Variants in LINGO2 observed in about 807,000 individuals in gnomAD.
LINGO2 encodes the protein leucine-rich repeat and immunoglobulin-like domain-containing nogo receptor-interacting protein 2.
A neutral mutation model predicts 30.6 loss-of-function variants in LINGO2; 14 were observed. That is an observed-to-expected ratio of 0.46 (90% confidence interval 0.30 to 0.72). The LOEUF is 0.72. Among genes scored for constraint, LINGO2 ranks in the 30% least tolerant of loss-of-function variants. The probability of loss-of-function intolerance (pLI) is 0.07; values close to 1 mark genes in which losing one functional copy is unlikely to be tolerated. For synonymous variants in LINGO2, 317 were observed against 288.5 expected (o/e 1.10, Z -1.00); for missense variants, 729 against 751.7 (o/e 0.97, Z 0.35).
intron 1 of LINGO2, among the ~76,000 whole-genome samples, chr9:28,569,482 T>A (rs1823564512): frequency 6.6e-6 from 1 of 151,926 alleles, no homozygotes; most frequent in African/African-American, 2.4e-5. Flanking sequence ...CCTTCATTAG[T>A]GACAACATAG....
intron 4 of LINGO2, among the ~76,000 whole-genome samples, chr9:28,252,582 C>T (rs1822243350): frequency 6.6e-6 from 1 of 151,800 alleles, no homozygotes; most frequent in Non-Finnish European, 1.5e-5. Flanking sequence ...AGTCATGAGT[C>T]ATATTGTAAC....
At chr9:28,696,019 G>T in the LINGO2 span, among the ~76,000 whole-genome samples, 55,613 of 151,532 alleles carry the variant, frequency 0.37, 11,493 homozygotes, top group African/African-American at 0.54. Context: ...GTGAGAAACC[G>T]TTTCCTTACT....
At chr9:29,049,893 G>GGTT in the LINGO2 span, among the ~76,000 whole-genome samples, 1 of 152,090 alleles carries the variant, frequency 6.6e-6, no homozygotes, top group East Asian at 1.9e-4. Context: ...TAGCACATTA[G>GGTT]GTTGGCTATA....
chr9:29,098,099 A>G, the LINGO2 span, among the ~76,000 whole-genome samples: 1 of 152,222 alleles, frequency 6.6e-6, no homozygotes, highest in Non-Finnish European at 1.5e-5. Flanking sequence ...CCTAGGATCT[A>G]TATAATTTAT....
the LINGO2 span, among the ~76,000 whole-genome samples, chr9:28,963,386 C>T: frequency 6.6e-6 from 1 of 151,770 alleles, no homozygotes; most frequent in African/African-American, 2.4e-5. Context: ...TCAAGCAGTT[C>T]CACTACTGGG....
chr9:28,548,652 CGA>C (rs1260748875), intron 1 of LINGO2, among the ~76,000 whole-genome samples: 2 of 126,842 alleles, frequency 1.6e-5, no homozygotes, highest in African/African-American at 6.1e-5. Context: ...TGCACTGAGC[CGA>C]GATTGAGCCA....
chr9:28,485,090 T>C (rs78434277), intron 1 of LINGO2, among the ~76,000 whole-genome samples: 3,499 of 152,210 alleles, frequency 0.023, 56 homozygotes, highest in South Asian at 0.054. Context: ...ATGTAAACCA[T>C]AATATTTCCT....
chr9:28,160,116 A>G (rs1402459345), intron 4 of LINGO2, among the ~76,000 whole-genome samples: 1 of 152,196 alleles, frequency 6.6e-6, no homozygotes, highest in Non-Finnish European at 1.5e-5. Context: ...TATGAAAAAA[A>G]AATCAATGAC....
chr9:28,901,447 A>C, the LINGO2 span, among the ~76,000 whole-genome samples: 1 of 152,152 alleles, frequency 6.6e-6, no homozygotes, highest in East Asian at 1.9e-4. Flanking sequence ...CTGTGCAATC[A>C]CTTATGTCTT....
chr9:28,184,016 A>G (rs73645607), intron 4 of LINGO2, among the ~76,000 whole-genome samples: 4,240 of 152,322 alleles, frequency 0.028, 86 homozygotes, highest in African/African-American at 0.052. Flanking sequence ...CTTTCTAGGC[A>G]GCCATTACTA....
chr9:28,716,600 T>G, the LINGO2 span, among the ~76,000 whole-genome samples: 1 of 152,132 alleles, frequency 6.6e-6, no homozygotes, highest in Non-Finnish European at 1.5e-5. Context: ...GTGTATTCTG[T>G]ACACCTTGAT....
chr9:28,296,436 GACTTGTGAATA>G (rs1228790961), intron 3 of LINGO2, among the ~76,000 whole-genome samples: 1 of 152,154 alleles, frequency 6.6e-6, no homozygotes. Context: ...TCTGTAGGGG[GACTTGTGAATA>G]ACTACGTTCT....
chr9:28,533,422 T>G (rs1188748757), intron 1 of LINGO2, among the ~76,000 whole-genome samples: 2 of 152,078 alleles, frequency 1.3e-5, no homozygotes, highest in Non-Finnish European at 2.9e-5. Flanking sequence ...CAACACTCCT[T>G]AAAAATCTCC....
chr9:28,743,147 A>G, the LINGO2 span, among the ~76,000 whole-genome samples: 1 of 151,880 alleles, frequency 6.6e-6, no homozygotes, highest in Admixed American at 6.6e-5. Context: ...TTCTATGAGT[A>G]TCTTCATTCA....
the LINGO2 span, among the ~76,000 whole-genome samples, chr9:29,198,659 T>C: frequency 1.3e-5 from 2 of 152,086 alleles, 1 homozygote; most frequent in Non-Finnish European, 2.9e-5. Context: ...AAACACTGTA[T>C]TCCTAGCTGA....
chr9:28,013,577 C>A (rs138042261), intron 4 of LINGO2, among the ~76,000 whole-genome samples: 31 of 152,262 alleles, frequency 2.0e-4, no homozygotes, highest in African/African-American at 7.2e-4. Context: ...AGGAATGTGG[C>A]AAAGACGGGG....
chr9:28,929,513 A>T, the LINGO2 span, among the ~76,000 whole-genome samples: 1 of 151,954 alleles, frequency 6.6e-6, no homozygotes, highest in Non-Finnish European at 1.5e-5. Flanking sequence ...CAGAAAATGG[A>T]CAAGGAACTG....
At chr9:28,093,699 A>C (rs1826164141) in intron 4 of LINGO2, among the ~76,000 whole-genome samples, 1 of 152,058 alleles carries the variant, frequency 6.6e-6, no homozygotes, top group East Asian at 1.9e-4. Context: ...GTGTGCTGCT[A>C]GCCTAAATAA....
At chr9:27,976,775 G>C (rs1162148523) in intron 5 of LINGO2, among the ~76,000 whole-genome samples, 1 of 152,038 alleles carries the variant, frequency 6.6e-6, no homozygotes, top group Non-Finnish European at 1.5e-5. Flanking sequence ...TAAGCTTTAA[G>C]AAAGCACAAA....
Sources: gnomAD v4.1 joint callset for allele counts (sites outside exome capture counted in the v4.1 genomes callset) on GRCh38, gnomAD v4.1.1 for gene constraint, MANE v1.5 for transcripts, NCBI Gene and HGNC (gene_info 2026-07-23, HGNC 2026-07-21) for gene names.